Variants in HS3ST3A1 observed in about 807,000 individuals in gnomAD.
HS3ST3A1 encodes heparan sulfate-glucosamine 3-sulfotransferase 3A1.
A neutral mutation model predicts 25.7 loss-of-function variants in HS3ST3A1; 19 were observed. That is an observed-to-expected ratio of 0.74 (90% CI 0.52 to 1.08). The LOEUF is 1.08. HS3ST3A1 is among the 50% of genes least tolerant of loss of function. The pLI is 0.00. For synonymous variants in HS3ST3A1, 226 were observed against 278.6 expected (o/e 0.81, Z 1.88); for missense variants, 459 against 594.3 (o/e 0.77, Z 2.37).
chr17:13,515,691 T>C (rs1363856676), intron 1 of HS3ST3A1, among the ~76,000 whole-genome samples: 1 of 152,146 alleles, frequency 6.6e-6, no homozygotes. Context: ...TTAACAAGTA[T>C]ATGTGTAACT....
rs1567613010 is a variant in HS3ST3A1 at position 13,520,617 on chromosome 17, TC to T, written c.600-23800del. Among the ~76,000 whole-genome samples the T allele has an allele frequency of 4.4e-4, 67 of 151,932 alleles. 1 individual carries two copies. The highest frequency in any genetic ancestry group is 1.9e-3 in the South Asian group (9 of 4,818). On this transcript the variant is annotated intron_variant, in intron 1 of 1. Transcript: ENST00000284110. ...AAATATTTTCATTTCTTTCTTTCTT[TC>T]TTTTTTTTTTTGGGGAAATAGAGTC...
At chr17:13,548,677 A>G (rs1196279856) in intron 1 of HS3ST3A1, among the ~76,000 whole-genome samples, 1 of 152,170 alleles carries the variant, frequency 6.6e-6, no homozygotes, top group Non-Finnish European at 1.5e-5. Context: ...TAGCTAAAGG[A>G]TTGTAAACAC....
chr17:13,575,643 T>C (rs557935162), intron 1 of HS3ST3A1, among the ~76,000 whole-genome samples: 81 of 152,086 alleles, frequency 5.3e-4, no homozygotes, highest in African/African-American at 1.9e-3. Flanking sequence ...TAGCAAAGAG[T>C]CTGCCAATAG....
chr17:13,565,337 G>A (rs1039361161), intron 1 of HS3ST3A1, among the ~76,000 whole-genome samples: 1 of 152,180 alleles, frequency 6.6e-6, no homozygotes, highest in East Asian at 2.0e-4. Flanking sequence ...TTCGAGACAA[G>A]CTTGGGCAAC....
At chr17:13,503,881 T>C (rs1261721486) in intron 1 of HS3ST3A1, among the ~76,000 whole-genome samples, 1 of 152,222 alleles carries the variant, frequency 6.6e-6, no homozygotes, top group Non-Finnish European at 1.5e-5. Flanking sequence ...ATCATATATA[T>C]GTTCACCAAA....
At chr17:13,549,792 G>A (rs1437345829) in intron 1 of HS3ST3A1, among the ~76,000 whole-genome samples, 1 of 152,132 alleles carries the variant, frequency 6.6e-6, no homozygotes, top group East Asian at 1.9e-4. Flanking sequence ...GAAAATTATT[G>A]GGAAAAGTCA....
chr17:13,598,379 C>A (rs978418737), intron 1 of HS3ST3A1, among the ~76,000 whole-genome samples: 2 of 151,976 alleles, frequency 1.3e-5, no homozygotes, highest in Non-Finnish European at 2.9e-5. Context: ...ATAATCCAGG[C>A]TCCATAGGTT....
intron 1 of HS3ST3A1, among the ~76,000 whole-genome samples, chr17:13,512,808 G>A (rs754042465): frequency 2.6e-5 from 4 of 152,054 alleles, no homozygotes; most frequent in Admixed American, 6.6e-5. Flanking sequence ...CATGATCTGC[G>A]TATGTCTTTG....
chr17:13,577,985 G>A (rs749036413), intron 1 of HS3ST3A1, among the ~76,000 whole-genome samples: 1 of 151,952 alleles, frequency 6.6e-6, no homozygotes, highest in Non-Finnish European at 1.5e-5. Flanking sequence ...TTTTCCAAAG[G>A]GCAATTTTGT....
In HS3ST3A1 at chr17:13,600,441, C is replaced by T. The variant is rs1908688332; in HGVS notation, c.599+90G>A. The T allele has an allele frequency of 4.2e-6, 6 of 1,428,706 alleles. No homozygotes were observed. In the South Asian group the frequency reaches 8.8e-5, roughly 21 times the overall value. 88.5% of individuals were successfully genotyped at this position (1,428,706 alleles called of 1,614,324 possible). The stretch of plus-strand genomic sequence containing the variant: ...CTTCTGCATGAAGTGGGGAGGAGGG[C>T]GAACTGGGGGTCACCGAGGGCTCCT... On this transcript the variant is annotated intron_variant, in intron 1 of 1. Coordinates refer to ENST00000284110, the MANE Select transcript of HS3ST3A1 (RefSeq NM_006042.3).
intron 1 of HS3ST3A1, among the ~76,000 whole-genome samples, chr17:13,520,444 G>A (rs59966853): frequency 0.11 from 16,088 of 152,188 alleles, 1,034 homozygotes; most frequent in Non-Finnish European, 0.15. Context: ...TCAGAAGACA[G>A]GGTAACTTGC....
intron 1 of HS3ST3A1, among the ~76,000 whole-genome samples, chr17:13,556,494 C>G (rs939230549): frequency 9.4e-6 from 1 of 106,870 alleles, no homozygotes; most frequent in Non-Finnish European, 1.9e-5. Flanking sequence ...GGCGACAGAG[C>G]GAGACTTTGT....
chr17:13,502,945 C>T (rs900569568), intron 1 of HS3ST3A1, among the ~76,000 whole-genome samples: 1 of 151,074 alleles, frequency 6.6e-6, no homozygotes, highest in Non-Finnish European at 1.5e-5. Context: ...CTTTGGGAGG[C>T]CAAGGCAGGC....
intron 1 of HS3ST3A1, among the ~76,000 whole-genome samples, chr17:13,555,344 G>A (rs755360554): frequency 1.2e-4 from 18 of 152,150 alleles, no homozygotes; most frequent in Non-Finnish European, 1.9e-4. Context: ...AAGGGGTGTC[G>A]CATTCAACAT....
chr17:13,504,408 T>C (rs2142297525), intron 1 of HS3ST3A1, among the ~76,000 whole-genome samples: 2 of 152,278 alleles, frequency 1.3e-5, no homozygotes, highest in African/African-American at 4.8e-5. Context: ...ATTTCCTTTA[T>C]AAAAAATGTT....
At chr17:13,535,615 A>C (rs1217724061) in intron 1 of HS3ST3A1, among the ~76,000 whole-genome samples, 2 of 152,166 alleles carry the variant, frequency 1.3e-5, no homozygotes, top group Non-Finnish European at 2.9e-5. Flanking sequence ...GCAGACACAA[A>C]TCTGTGAATA....
intron 1 of HS3ST3A1, among the ~76,000 whole-genome samples, chr17:13,549,178 A>G (rs1907174152): frequency 6.6e-6 from 1 of 152,214 alleles, no homozygotes; most frequent in Non-Finnish European, 1.5e-5. Context: ...GGGAGGAACA[A>G]ACAACTCCGG....
At chr17:13,511,681 T>C (rs575174689) in intron 1 of HS3ST3A1, among the ~76,000 whole-genome samples, 1 of 151,230 alleles carries the variant, frequency 6.6e-6, no homozygotes, top group Admixed American at 6.6e-5. Context: ...AGCTGAAGCA[T>C]GGTACTGATT....
At chr17:13,548,173 G>C (rs1248166010) in intron 1 of HS3ST3A1, among the ~76,000 whole-genome samples, 1 of 152,088 alleles carries the variant, frequency 6.6e-6, no homozygotes, top group Non-Finnish European at 1.5e-5. Context: ...AGACAAGATG[G>C]TTTATACAAC....
Sources: allele counts gnomAD v4.1 joint callset (sites outside exome capture counted in the v4.1 genomes callset), GRCh38; gene constraint gnomAD v4.1.1; transcripts MANE v1.5; gene names NCBI Gene and HGNC (gene_info 2026-07-23, HGNC 2026-07-21).